The following LAMB1 variants were observed in gnomAD, a reference collection of about 807,000 sequenced individuals.
The protein encoded by LAMB1 is laminin subunit beta-1.
LAMB1 carries 121 observed loss-of-function variants against 222.3 expected under a neutral mutation model. The ratio of observed to expected loss-of-function variants is 0.54; its 90% CI spans 0.47 to 0.63. LAMB1 has a LOEUF of 0.63. LAMB1 is among the 30% of genes least tolerant of loss of function. LAMB1 has a pLI of 0.00. For missense variants in LAMB1, 2,172 were observed against 2,240.8 expected, an observed-to-expected ratio of 0.97 and a Z score of 0.62; for synonymous variants, 794 against 807.2, an observed-to-expected ratio of 0.98 and a Z score of 0.28.
chr7:107,964,127 G>A (rs945258821), intron 14 of LAMB1, among the ~76,000 whole-genome samples: 3 of 152,164 alleles, frequency 2.0e-5, no homozygotes, highest in Non-Finnish European at 2.9e-5. Flanking sequence ...GGTCGTGTTC[G>A]TGTGGAGAGA....
chr7:108,002,468 C>A, intron 2 of LAMB1: 1 of 1,260,818 alleles, frequency 7.9e-7, no homozygotes. Flanking sequence ...CTCCGCTCAG[C>A]TCAGGCACTC....
At chr7:107,972,211 C>T (rs971239580) in intron 13 of LAMB1, among the ~76,000 whole-genome samples, 3 of 152,196 alleles carry the variant, frequency 2.0e-5, no homozygotes, top group Admixed American at 1.3e-4. Context: ...CTGAATACCT[C>T]ATTCCTTCCC....
intron 9 of LAMB1, among the ~76,000 whole-genome samples, chr7:107,977,382 C>T (rs1048209574): frequency 3.3e-5 from 5 of 152,106 alleles, no homozygotes; most frequent in Non-Finnish European, 5.9e-5. Flanking sequence ...TGCCAGAGGC[C>T]GCAGCTGGAC....
intron 13 of LAMB1, among the ~76,000 whole-genome samples, chr7:107,971,876 G>A (rs528260097): frequency 2.6e-4 from 39 of 152,264 alleles, no homozygotes; most frequent in Admixed American, 5.2e-4. Flanking sequence ...ACATAATTTG[G>A]GGAATTGCAT....
At chr7:107,962,824 T>C in intron 15 of LAMB1, 81 bp downstream of exon 15, 1 of 1,149,140 alleles carries the variant, frequency 8.7e-7, no homozygotes, top group Non-Finnish European at 1.3e-6. Flanking sequence ...TTCATAACTA[T>C]ATATAATACC....
intron 4 of LAMB1, among the ~76,000 whole-genome samples, chr7:107,996,565 C>A (rs1162613794): frequency 1.3e-5 from 2 of 152,180 alleles, no homozygotes; most frequent in Non-Finnish European, 2.9e-5. Context: ...GGTATAGTAA[C>A]AATCAGTCTG....
At chr7:107,947,176 G>A (rs531991369) in intron 24 of LAMB1, among the ~76,000 whole-genome samples, 67 of 152,198 alleles carry the variant, frequency 4.4e-4, no homozygotes, top group Middle Eastern at 3.4e-3. Context: ...GCCCCAACCC[G>A]CCTGGACAAT....
chr7:107,934,600 T>C (rs2032794493), intron 27 of LAMB1, among the ~76,000 whole-genome samples: 1 of 152,082 alleles, frequency 6.6e-6, no homozygotes, highest in Non-Finnish European at 1.5e-5. Flanking sequence ...TCTAGGCTGG[T>C]TTCAGGGTTA....
intron 24 of LAMB1, among the ~76,000 whole-genome samples, chr7:107,947,259 A>T (rs1437941652): frequency 6.6e-6 from 1 of 152,196 alleles, no homozygotes; most frequent in Non-Finnish European, 1.5e-5. Context: ...CTTTTTTTCC[A>T]TAAGGAGAAT....
intron 2 of LAMB1, chr7:108,001,972 C>T (rs2034396664): frequency 6.9e-7 from 1 of 1,447,424 alleles, no homozygotes; most frequent in Non-Finnish European, 9.1e-7. Flanking sequence ...TGTCCAGCAG[C>T]GAGAGCCTCC....
rs770195132 is a variant in LAMB1, at chr7:107,932,272, C to G, written c.4294G>C (p.Gly1432Arg). 2 of 1,614,216 alleles carry G rather than the reference C, an allele frequency of 1.2e-6. No individual in the cohort carries two copies. The highest frequency in any genetic ancestry group is 1.3e-5 in the African/African-American group (1 of 75,048). ...ERKCGGPGCG[G>R]LVTVAHNAWQ... is the part of the protein sequence containing the mutation. ...GCGTTGTGTGCAACAGTAACCAGACCACCACAGCCAGGCCCCCCACACTTC... is the reference window on the plus strand; with the variant it reads ...GCGTTGTGTGCAACAGTAACCAGACGACCACAGCCAGGCCCCCCACACTTC... The change falls in exon 28 of 34, where the codon GGT becomes CGT. Residue 1432 changes from glycine to arginine, a missense_variant. Transcript: ENST00000222399.
chr7:108,001,237 T>C (rs1250733071), intron 3 of LAMB1, among the ~76,000 whole-genome samples: 2 of 152,208 alleles, frequency 1.3e-5, no homozygotes, highest in African/African-American at 4.8e-5. Flanking sequence ...TAAATCACCT[T>C]TAATGCACAC....
intron 24 of LAMB1, among the ~76,000 whole-genome samples, chr7:107,948,516 T>G (rs945724917): frequency 4.4e-4 from 67 of 152,196 alleles, no homozygotes; most frequent in African/African-American, 1.6e-3. Context: ...CACTTGGAGC[T>G]TCCAATGCTT....
chr7:107,928,537 G>A (rs1169127536), intron 31 of LAMB1, among the ~76,000 whole-genome samples: 1 of 151,138 alleles, frequency 6.6e-6, no homozygotes, highest in Non-Finnish European at 1.5e-5. Context: ...CTGTTGCCCA[G>A]ACTGGAGTAC....
intron 4 of LAMB1, among the ~76,000 whole-genome samples, chr7:107,996,170 TAAC>T (rs1224928237): frequency 9.9e-5 from 15 of 152,272 alleles, no homozygotes; most frequent in Admixed American, 8.5e-4. Context: ...AATTAAGAGA[TAAC>T]AAAATAATGT....
At chr7:107,999,599 A>G (rs1380913729) in intron 3 of LAMB1, among the ~76,000 whole-genome samples, 1 of 152,156 alleles carries the variant, frequency 6.6e-6, no homozygotes, top group African/African-American at 2.4e-5. Flanking sequence ...AAAGCCAGGG[A>G]TGCATTAGGA....
At chr7:107,936,022 A>G (rs1033318708) in intron 26 of LAMB1, among the ~76,000 whole-genome samples, 1 of 152,226 alleles carries the variant, frequency 6.6e-6, no homozygotes, top group African/African-American at 2.4e-5. Flanking sequence ...AATGACTAAT[A>G]TAGTAGCCCT....
intron 14 of LAMB1, 56 bp downstream of exon 14, chr7:107,964,496 T>C: frequency 6.2e-7 from 1 of 1,606,174 alleles, no homozygotes; most frequent in Non-Finnish European, 8.5e-7. Context: ...AGCATGTATG[T>C]TCCACTACAC....
intron 21 of LAMB1, 79 bp downstream of exon 21, chr7:107,955,388 C>G (rs2033352085): frequency 1.5e-6 from 2 of 1,306,174 alleles, no homozygotes; most frequent in Admixed American, 4.9e-5. Context: ...CACTTTGCAT[C>G]TTTTTTTCTC....
Sources: gnomAD v4.1 joint callset for allele counts (sites outside exome capture counted in the v4.1 genomes callset) on GRCh38, gnomAD v4.1.1 for gene constraint, MANE v1.5 for transcripts, NCBI Gene and HGNC (gene_info 2026-07-23, HGNC 2026-07-21) for gene names.